The following CACNA1D variants were observed in gnomAD, a reference collection of about 807,000 sequenced individuals.
CACNA1D encodes voltage-dependent L-type calcium channel subunit alpha-1D.
Under a neutral mutation model 257.1 loss-of-function variants are expected in CACNA1D, and 55 were observed. The ratio of observed to expected loss-of-function variants is 0.21; its 90% CI spans 0.17 to 0.27. CACNA1D has a LOEUF of 0.27. Ranked by LOEUF, CACNA1D falls within the 10% of genes least tolerant of loss-of-function variation. CACNA1D has a pLI of 1.00. For synonymous variants in CACNA1D, 980 were observed against 1,014.9 expected (o/e 0.97, Z 0.65); for missense variants, 1,876 against 2,784.0 (o/e 0.67, Z 7.34).
chr3:53,708,586 G>C (rs2094716713), intron 9 of CACNA1D, among the ~76,000 whole-genome samples: 1 of 152,248 alleles, frequency 6.6e-6, no homozygotes, highest in Non-Finnish European at 1.5e-5. Context: ...CCTCCTAAGA[G>C]CTGATGGGAG....
chr3:53,494,938 C>T lies in CACNA1D; in HGVS notation c.-229C>T, dbSNP rs577227161. The stretch of plus-strand genomic sequence containing the variant: ...TTATTTTTTTAAAAAGTTTATTTTG[C>T]TCCATTTTTGAAAAAGAGAGAGCTT... On this transcript the variant is annotated 5_prime_UTR_variant, in exon 1 of 48. Coordinates refer to ENST00000350061, the MANE Select transcript of CACNA1D (RefSeq NM_001128840.3). 8.9e-5 allele frequency: 50 copies of T among 559,962 alleles called. No homozygotes were observed. The African/African-American group carries it at 9.3e-4, about 10-fold the overall frequency. The allele number at this position is 559,962 out of a possible 1,614,324, so 34.7% of individuals were successfully genotyped here.
intron 3 of CACNA1D, among the ~76,000 whole-genome samples, chr3:53,512,627 A>G (rs1389943815): frequency 6.6e-6 from 1 of 152,094 alleles, no homozygotes; most frequent in Non-Finnish European, 1.5e-5. Context: ...CTGTCTCCCA[A>G]TCTGTTTTCT....
intron 3 of CACNA1D, among the ~76,000 whole-genome samples, chr3:53,540,605 TA>T (rs890864801): frequency 6.6e-5 from 10 of 152,074 alleles, no homozygotes; most frequent in South Asian, 2.1e-4. Context: ...AAATTTCCTT[TA>T]AAAAAAATTG....
At position 53,495,289 on chromosome 3, in the gene CACNA1D, C is replaced by T; in HGVS notation, c.67+56C>T. ...CAAATCCGATCCTGTCATGGTCCTC[C>T]AGCCCCCTCCCCCTTCCCCGCGGCG... On this transcript the variant is annotated intron_variant, in intron 1 of 47. Transcript: ENST00000350061. The surrounding 1 kb of genome is among the most constrained non-coding windows in gnomAD (Gnocchi z 5.1). 6.2e-7 allele frequency: 1 copy of T among 1,605,574 alleles called. No homozygotes were observed. Among genetic ancestry groups the T allele is most frequent in the Non-Finnish European group, 8.5e-7 (1 of 1,173,998 alleles).
At chr3:53,760,758 A>G (rs1287486393) in intron 29 of CACNA1D, among the ~76,000 whole-genome samples, 5 of 152,254 alleles carry the variant, frequency 3.3e-5, no homozygotes, top group African/African-American at 1.2e-4. Context: ...TTGTTGCAAG[A>G]TAGCAGGACC....
intron 3 of CACNA1D, among the ~76,000 whole-genome samples, chr3:53,585,942 G>GAGAGCACCTGCCT (rs1365809294): frequency 2.6e-5 from 4 of 152,134 alleles, no homozygotes; most frequent in Admixed American, 2.6e-4. Context: ...GGGGATTTGT[G>GAGAGCACCTGCCT]AGAGCACCTG....
At chr3:53,677,412 C>T (rs2094387287) in intron 8 of CACNA1D, among the ~76,000 whole-genome samples, 1 of 152,248 alleles carries the variant, frequency 6.6e-6, no homozygotes, top group African/African-American at 2.4e-5. Context: ...CCGTCTCCCA[C>T]ACAGGGTGGT....
intron 3 of CACNA1D, among the ~76,000 whole-genome samples, chr3:53,588,262 T>A (rs56152532): frequency 0.2 from 29,869 of 152,008 alleles, 3,147 homozygotes; most frequent in Middle Eastern, 0.26. Flanking sequence ...CACACTGGAG[T>A]CTCAGGGGCA....
chr3:53,710,508 C>T (rs1260130695), intron 9 of CACNA1D: 1 of 456,600 alleles, frequency 2.2e-6, no homozygotes, highest in South Asian at 1.5e-5. Context: ...CTTTCTTTTT[C>T]CGCAACATCT....
Position 53,803,496 on chromosome 3 carries a change from C to G in CACNA1D, c.5509C>G (p.Pro1837Ala). The change falls in exon 44 of 48, where the codon CCC (proline) becomes GCC (alanine). Residue 1837 changes from proline (P) to alanine (A), a missense_variant. Transcript: ENST00000350061. ...DPEIHGYFRD[P>A]HCLGEQEYFS... Reference sequence around the variant, plus strand: ...AGAGATACATGGCTATTTCAGGGACCCCCACTGCTTGGGGGAGCAGGAGTA... The same window carrying G: ...AGAGATACATGGCTATTTCAGGGACGCCCACTGCTTGGGGGAGCAGGAGTA... 1 of 1,614,030 alleles carries G rather than the reference C, an allele frequency of 6.2e-7. No individual in the cohort carries two copies. Among genetic ancestry groups the G allele is most frequent in the South Asian group, 1.1e-5 (1 of 91,078 alleles).
rs1246167821 is a variant in CACNA1D, at chr3:53,691,841, C to T, written c.1221-10800C>T. 4.4e-3 allele frequency among the ~76,000 whole-genome samples: 389 copies of T among 87,684 alleles called. 2 individuals are homozygous for T. The highest frequency in any genetic ancestry group is 6.6e-3 in the Non-Finnish European group (294 of 44,264). The allele number at this position is 87,684 out of a possible 152,430, so 57.5% of individuals were successfully genotyped here. ...TATATTATATCTATAATATATATTA[C>T]ATATATAATATATAATATATATTAT... On this transcript the variant is annotated intron_variant, in intron 8 of 47. Coordinates refer to ENST00000350061, the MANE Select transcript of CACNA1D (RefSeq NM_001128840.3).
intron 3 of CACNA1D, among the ~76,000 whole-genome samples, chr3:53,583,652 TCTGCA>T (rs1048750046): frequency 2.6e-5 from 4 of 152,172 alleles, no homozygotes; most frequent in African/African-American, 9.7e-5. Flanking sequence ...TCTTGGTGAA[TCTGCA>T]CTCTATTTAT....
chr3:53,552,422 C>T (rs867796673), intron 3 of CACNA1D, among the ~76,000 whole-genome samples: 1 of 152,080 alleles, frequency 6.6e-6, no homozygotes, highest in African/African-American at 2.4e-5. Context: ...GCTCTGTTGC[C>T]CAGGCTGGAC....
rs547926958 is a variant in CACNA1D, at chr3:53,794,753, C to A, written c.4924-5496C>A. Among the ~76,000 whole-genome samples the A allele has an allele frequency of 1.1e-4, 16 of 152,294 alleles. No individual in the cohort carries two copies. The East Asian group carries it at 2.1e-3, about 20-fold the overall frequency. ...GGTGATGACATCATGCATCAGGCAGCCTTTGAAAACCTCACTGTGCTCTCA... is the reference window on the plus strand; with the variant it reads ...GGTGATGACATCATGCATCAGGCAGACTTTGAAAACCTCACTGTGCTCTCA... On this transcript the variant is annotated intron_variant, in intron 40 of 47. Transcript: ENST00000350061.
rs554176984 is a variant in CACNA1D, at chr3:53,531,521, T to C, written c.483+29801T>C. Reference sequence around the variant, plus strand: ...TTATAAAGTGTCAGAGCAGATAATTTAGGCTAAAAGAAACAAAGTTAAATG... The same window carrying C: ...TTATAAAGTGTCAGAGCAGATAATTCAGGCTAAAAGAAACAAAGTTAAATG... On this transcript the variant is annotated intron_variant, in intron 3 of 47. Coordinates refer to ENST00000350061, the MANE Select transcript of CACNA1D (RefSeq NM_001128840.3). 8.5e-5 allele frequency among the ~76,000 whole-genome samples: 13 copies of C among 152,318 alleles called. No individual in the cohort carries two copies. In the South Asian group the frequency reaches 2.7e-3, roughly 32 times the overall value.
chr3:53,666,334 T>G lies in CACNA1D; in HGVS notation c.920-5T>G. The G allele has an allele frequency of 1.9e-6, 3 of 1,613,456 alleles. No homozygotes were observed. Among genetic ancestry groups the G allele is most frequent in the Non-Finnish European group, 2.5e-6 (3 of 1,179,742 alleles). On this transcript the variant is annotated splice_polypyrimidine_tract_variant and splice_region_variant and intron_variant, in intron 6 of 47. Transcript: ENST00000350061. ...AGCGGTACAGCCTGTTTGCTCTGTT[T>G]GCAGATATCGTAGCTGAAGAGGACC...
At chr3:53,551,628 C>G (rs773221660) in intron 3 of CACNA1D, among the ~76,000 whole-genome samples, 12 of 152,248 alleles carry the variant, frequency 7.9e-5, no homozygotes, top group Non-Finnish European at 1.8e-4. Flanking sequence ...TAAACCCACA[C>G]TTCGAGGTTT....
intron 3 of CACNA1D, among the ~76,000 whole-genome samples, chr3:53,630,804 T>C (rs2093813955): frequency 6.6e-6 from 1 of 152,152 alleles, no homozygotes; most frequent in East Asian, 1.9e-4. Context: ...TTGGTTTGGT[T>C]CCAGACTACC....
chr3:53,651,304 A>C (rs1472850495), intron 4 of CACNA1D, among the ~76,000 whole-genome samples: 4 of 151,356 alleles, frequency 2.6e-5, no homozygotes, highest in Non-Finnish European at 5.9e-5. Context: ...AAAAGTAATA[A>C]AACCTTCATA....
Sources: allele counts gnomAD v4.1 joint callset (sites outside exome capture counted in the v4.1 genomes callset), GRCh38; gene constraint gnomAD v4.1.1; non-coding constraint Gnocchi (gnomAD v3.1); transcripts MANE v1.5; gene names NCBI Gene and HGNC (gene_info 2026-07-23, HGNC 2026-07-21).